ZNF662: variants seen among roughly 807,000 people sequenced by gnomAD.
ZNF662 encodes the protein zinc finger protein 662.
Under a neutral mutation model 12.4 loss-of-function variants are expected in ZNF662, and 14 were observed. The ratio of observed to expected loss-of-function variants is 1.13; its 90% CI spans 0.75 to 1.77. The LOEUF (loss-of-function observed/expected upper bound fraction) is 1.77. ZNF662 is among the 40% of genes most tolerant of loss of function. The pLI, the probability that ZNF662 is intolerant of heterozygous loss-of-function variation, is 0.00. For missense variants in ZNF662, 550 were observed against 515.6 expected, an observed-to-expected ratio of 1.07 and a Z score of -0.65; for synonymous variants, 184 against 176.4, an observed-to-expected ratio of 1.04 and a Z score of -0.34.
intron 3 of ZNF662, 37 bp from the exon 4 acceptor site, chr3:42,913,164 G>T: frequency 1.3e-6 from 2 of 1,516,996 alleles, no homozygotes; most frequent in Non-Finnish European, 9.2e-7. Flanking sequence ...TCACTCTTCT[G>T]ACTGAGTCAG....
chr3:42,913,635 AT>A (rs763207968), intron 4 of ZNF662, among the ~76,000 whole-genome samples: 52 of 152,332 alleles, frequency 3.4e-4, no homozygotes, highest in Non-Finnish European at 4.4e-4. Context: ...GATAAAAAAA[AT>A]CAAGTCATAT....
chr3:42,912,709 T>TATATATATATATTTTTTATATATATAAAA (rs2088839803), intron 3 of ZNF662, among the ~76,000 whole-genome samples: 1 of 68,218 alleles, frequency 1.5e-5, no homozygotes, highest in Non-Finnish European at 2.7e-5. Flanking sequence ...TATATATAAA[T>TATATATATATATTTTTTATATATATAAAA]ATATATATAT....
intron 2 of ZNF662, 141 bp downstream of exon 2, chr3:42,908,289 C>G (rs1243339272): frequency 4.9e-6 from 7 of 1,429,722 alleles, no homozygotes; most frequent in Middle Eastern, 2.0e-4. Context: ...CTAACCTCAG[C>G]AGCCGTTGGA....
intron 3 of ZNF662, among the ~76,000 whole-genome samples, chr3:42,912,667 T>TATTTTTATATATATAAATATATATA (rs1491154427): frequency 3.5e-5 from 1 of 28,608 alleles, no homozygotes; most frequent in African/African-American, 1.1e-4. Flanking sequence ...TATATATATA[T>TATTTTTATATATATAAATATATATA]TTTTTATATA....
intron 2 of ZNF662, 40 bp downstream of exon 2, chr3:42,908,188 G>A (rs766989524): frequency 6.3e-7 from 1 of 1,578,902 alleles, no homozygotes; most frequent in African/African-American, 1.4e-5. Flanking sequence ...CCACCCTTGA[G>A]AGTTTGCTGG....
At position 42,912,637 on chromosome 3, in the gene ZNF662, A is replaced by ATATATAAATATATATATAT. The variant is rs2088824221; in HGVS notation, c.152-563_152-562insATATAAATATATATATATT. Among the ~76,000 whole-genome samples the ATATATAAATATATATATAT allele has an allele frequency of 1.1e-4, 7 of 66,638 alleles. No individual in the cohort carries two copies. In the East Asian group the frequency reaches 1.7e-3, roughly 16 times the overall value. 43.7% of individuals were successfully genotyped at this position (66,638 alleles called of 152,430 possible). A position where few individuals can be genotyped will look rare whatever the true frequency, so the allele number is the denominator to read the frequency against. On this transcript the variant is annotated intron_variant, in intron 3 of 4. Transcript: ENST00000440367. ...TTTTCTATAAAATATATATTTATAT[A>ATATATAAATATATATATAT]TTTTATATATATATAAATATATATA...
At chr3:42,909,112 G>C (rs1029533677) in intron 3 of ZNF662, among the ~76,000 whole-genome samples, 1 of 152,140 alleles carries the variant, frequency 6.6e-6, no homozygotes, top group Admixed American at 6.5e-5. Context: ...GTTTCTCAGA[G>C]AGGGGGATTT....
rs2088909280 is a variant in ZNF662 at position 42,917,761 on chromosome 3, A to G, written c.*2407A>G. The G allele has an allele frequency of 6.8e-6, 4 of 589,560 alleles. No homozygotes were observed. Among genetic ancestry groups the G allele is most frequent in the Non-Finnish European group, 1.2e-5 (4 of 336,212 alleles). 36.5% of individuals were successfully genotyped at this position (589,560 alleles called of 1,614,324 possible). A position where few individuals can be genotyped will look rare whatever the true frequency, so the allele number is the denominator to read the frequency against. On this transcript the variant is annotated 3_prime_UTR_variant, in exon 5 of 5. Coordinates refer to ENST00000440367, the MANE Select transcript of ZNF662 (RefSeq NM_207404.4). ...CCTTTTCCTCTTGCTCAGTAGTCTC[A>G]TAAGCTTCTCAGTTTTATCTCATCT...
In ZNF662 at chr3:42,914,457, C is replaced by T; in HGVS notation, c.384C>T (p.Thr128=). ...CCCAGGAATTATGGTTTGGGAAAACCTGTGAAGAGAAAAGCAGGTTAGGGA... is the reference window on the plus strand; with the variant it reads ...CCCAGGAATTATGGTTTGGGAAAACTTGTGAAGAGAAAAGCAGGTTAGGGA... ...CGSQELWFGK[T]CEEKSRLGRW... is the part of the protein sequence containing the mutation. The change falls in exon 5 of 5, where the codon ACC becomes ACT. Residue 128 remains threonine (T), a synonymous_variant. Coordinates refer to ENST00000440367, the MANE Select transcript of ZNF662 (RefSeq NM_207404.4). The T allele has an allele frequency of 6.2e-7, 1 of 1,613,224 alleles. No homozygotes were observed. Among genetic ancestry groups the T allele is most frequent in the Non-Finnish European group, 8.5e-7 (1 of 1,179,810 alleles).
intron 4 of ZNF662, 107 bp downstream of exon 4, chr3:42,913,409 G>T: frequency 1.2e-6 from 1 of 867,190 alleles, no homozygotes. Context: ...AACAAATATG[G>T]GGACCAGATC....
chr3:42,910,536 T>C (rs2088771733), intron 3 of ZNF662, among the ~76,000 whole-genome samples: 2 of 152,272 alleles, frequency 1.3e-5, no homozygotes, highest in South Asian at 4.1e-4. Context: ...GGGTGCCCTT[T>C]CTACTTCCTG....
At chr3:42,909,280 C>T (rs1234530031) in intron 3 of ZNF662, among the ~76,000 whole-genome samples, 2 of 152,128 alleles carry the variant, frequency 1.3e-5, no homozygotes, top group Non-Finnish European at 2.9e-5. Flanking sequence ...AACGAGCATG[C>T]TTCCTTCAAG....
Position 42,914,906 on chromosome 3 carries a change from G to T in ZNF662, c.833G>T (p.Cys278Phe), listed in dbSNP as rs988868326. The T allele has an allele frequency of 6.2e-7, 1 of 1,614,236 alleles. No homozygotes were observed. Among genetic ancestry groups the T allele is most frequent in the African/African-American group, 1.3e-5 (1 of 75,060 alleles). Residue 278 changes from cysteine (C) to phenylalanine (F), a missense_variant, in exon 5 of 5, where the codon TGT (cysteine) becomes TTT (phenylalanine). Physicochemically the swap from Cys to Phe is radical, Grantham distance 205. Transcript: ENST00000440367. ...RIHTGEKPFE[C>F]KECGKGFSQN... ...CATACTGGAGAGAAACCCTTTGAAT[G>T]TAAGGAATGTGGGAAGGGCTTTAGT...
At chr3:42,912,755 T>TATATA (rs1275788684) in intron 3 of ZNF662, among the ~76,000 whole-genome samples, 1 of 118,412 alleles carries the variant, frequency 8.4e-6, no homozygotes, top group African/African-American at 3.3e-5. Context: ...ATATATATTT[T>TATATA]TTGAGACACA....
Position 42,918,325 on chromosome 3 carries a change from A to G in ZNF662, c.*2971A>G, listed in dbSNP as rs1398726343. Among the ~76,000 whole-genome samples the G allele has an allele frequency of 6.6e-6, 1 of 152,098 alleles. No individual in the cohort carries two copies. The highest frequency in any genetic ancestry group is 6.6e-5 in the Admixed American group (1 of 15,266). On this transcript the variant is annotated 3_prime_UTR_variant, in exon 5 of 5. Coordinates refer to ENST00000440367, the MANE Select transcript of ZNF662 (RefSeq NM_207404.4). ...TTATTAAGTGAAAAGGAAAACTCTC[A>G]ACAAAAAGAGGGGTCCTGCATGCAG... is the stretch of plus-strand genomic sequence containing the variant.
intron 3 of ZNF662, among the ~76,000 whole-genome samples, chr3:42,910,117 A>G (rs2088762604): frequency 6.6e-6 from 1 of 152,190 alleles, no homozygotes; most frequent in African/African-American, 2.4e-5. Context: ...TCGGGAGGCC[A>G]AGGCTGGCAG....
In ZNF662 at chr3:42,915,282, A is replaced by G. The variant is rs779628520; in HGVS notation, c.1209A>G (p.Leu403=). 1.9e-6 allele frequency: 3 copies of G among 1,612,872 alleles called. No homozygotes were observed. In the East Asian group the frequency reaches 6.7e-5, roughly 36 times the overall value. The change falls in exon 5 of 5, where the codon TTA becomes TTG. Residue 403 remains leucine (L), a synonymous_variant. Transcript: ENST00000440367. ...CGKAFSQNSV[L]IKHQRRHARD... ...AGGCCTTCAGTCAGAATTCTGTCTT[A>G]ATTAAGCACCAGAGGCGCCATGCTA...
intron 1 of ZNF662, chr3:42,907,793 A>T: frequency 1.0e-6 from 1 of 985,428 alleles, no homozygotes; most frequent in African/African-American, 1.7e-5. Context: ...GAAAAAGAGG[A>T]GAAAATGTTT....
rs1293787861 is a variant in ZNF662 at position 42,918,988 on chromosome 3, G to C, written c.*3634G>C. Reference sequence around the variant, plus strand: ...GGCTTGGCTTTCGTTAGCTCCCTTGGTCTTATTTTCCCAAAAAAGAAACCT... The same window carrying C: ...GGCTTGGCTTTCGTTAGCTCCCTTGCTCTTATTTTCCCAAAAAAGAAACCT... On this transcript the variant is annotated 3_prime_UTR_variant, in exon 5 of 5. Coordinates refer to ENST00000440367, the MANE Select transcript of ZNF662 (RefSeq NM_207404.4). Among the ~76,000 whole-genome samples, 2 of 152,100 alleles carry C rather than the reference G, an allele frequency of 1.3e-5. No homozygotes were observed. Among genetic ancestry groups the C allele is most frequent in the Admixed American group, 1.3e-4 (2 of 15,268 alleles).
Sources: allele counts gnomAD v4.1 joint callset (sites outside exome capture counted in the v4.1 genomes callset), GRCh38; gene constraint gnomAD v4.1.1; transcripts MANE v1.5; gene names NCBI Gene and HGNC (gene_info 2026-07-23, HGNC 2026-07-21).